Variants in FARP1 observed in about 807,000 individuals in gnomAD.
FARP1 encodes the protein FERM, ARH/RhoGEF and pleckstrin domain protein 1.
In FARP1, 52 loss-of-function variants were observed where a neutral mutation model predicts 128.8. The ratio of observed to expected loss-of-function variants is 0.40; its 90% CI spans 0.32 to 0.51. The LOEUF is 0.51. Among genes scored for constraint, FARP1 ranks in the 20% least tolerant of loss-of-function variants. The pLI is 0.45. For missense variants in FARP1, 1,333 were observed against 1,367.9 expected, an observed-to-expected ratio of 0.97 and a Z score of 0.40; for synonymous variants, 580 against 551.8, an observed-to-expected ratio of 1.05 and a Z score of -0.72.
chr13:98,396,001 CCTT>C, intron 13 of FARP1: 1 of 399,156 alleles, frequency 2.5e-6, no homozygotes, highest in Non-Finnish European at 4.4e-6. Context: ...CCAGGGTCCT[CCTT>C]ATGAACGCTG....
chr13:98,230,412 A>G (rs1176456819), intron 2 of FARP1, among the ~76,000 whole-genome samples: 6 of 152,206 alleles, frequency 3.9e-5, no homozygotes, highest in Non-Finnish European at 7.4e-5. Flanking sequence ...CCATCAGTCA[A>G]CCAAACAAAA....
chr13:98,435,638 A>G lies in FARP1; in HGVS notation c.2206A>G (p.Asn736Asp). The change falls in exon 19 of 27, where the codon AAT becomes GAT. Residue 736 changes from asparagine to aspartate, a missense_variant. By Grantham distance (23) the Asn-to-Asp change is conservative. Transcript: ENST00000319562. The part of the protein sequence containing the change: ...QLHGTMIKME[N>D]FQKLHELKKD... ...CCACGGTACGATGATCAAGATGGAG[A>G]ATTTCCAGAAGCTGCACGAACTCAA... 6.2e-7 allele frequency: 1 copy of G among 1,614,078 alleles called. No homozygotes were observed. The highest frequency in any genetic ancestry group is 8.5e-7 in the Non-Finnish European group (1 of 1,179,996).
At position 98,405,909 on chromosome 13, in the gene FARP1, C is replaced by G. The variant is rs924446553; in HGVS notation, c.1415-3429C>G. The G allele has an allele frequency of 7.2e-5, 11 of 152,234 alleles. 1 individual carries two copies. Among genetic ancestry groups the G allele is most frequent in the Admixed American group, 6.5e-4 (10 of 15,276 alleles). The allele number at this position is 152,234 out of a possible 1,614,324, so 9.4% of individuals were successfully genotyped here. On this transcript the variant is annotated intron_variant, in intron 13 of 26. Coordinates refer to ENST00000319562, the MANE Select transcript of FARP1 (RefSeq NM_005766.4). ...GTTGCCCGGGGCTGTGCCTTCAAAG[C>G]AGGTGACAGACTGCAAGGTGTAAAC...
chr13:98,430,957 G>C (rs1273547237), intron 17 of FARP1, 86 bp from the exon 18 acceptor site: 1 of 770,856 alleles, frequency 1.3e-6, no homozygotes, highest in East Asian at 2.5e-5. Context: ...GTGCAGGAGC[G>C]CTTCATTTCC....
At chr13:98,217,177 A>G (rs1881111781) in intron 2 of FARP1, among the ~76,000 whole-genome samples, 1 of 152,218 alleles carries the variant, frequency 6.6e-6, no homozygotes, top group Admixed American at 6.5e-5. Flanking sequence ...ATGTATTTTC[A>G]TTAGCAGTGT....
At chr13:98,227,164 G>A (rs1190075465) in intron 2 of FARP1, among the ~76,000 whole-genome samples, 1 of 152,058 alleles carries the variant, frequency 6.6e-6, no homozygotes, top group South Asian at 2.1e-4. Flanking sequence ...GGATGGTCTC[G>A]ATCTCCTGAC....
intron 1 of FARP1, among the ~76,000 whole-genome samples, chr13:98,169,205 A>G (rs1877484769): frequency 6.6e-6 from 1 of 152,042 alleles, no homozygotes; most frequent in Non-Finnish European, 1.5e-5. Context: ...CACCTTCTGT[A>G]GCACCCCCAT....
intron 8 of FARP1, among the ~76,000 whole-genome samples, chr13:98,386,208 T>TTTTTC (rs1555342699): frequency 0.013 from 1,857 of 146,078 alleles, 42 homozygotes; most frequent in African/African-American, 0.044. Flanking sequence ...TTTTTTTTTT[T>TTTTTC]CAAACACAGT....
At chr13:98,359,874 G>A (rs569321415) in intron 3 of FARP1, among the ~76,000 whole-genome samples, 1 of 152,322 alleles carries the variant, frequency 6.6e-6, no homozygotes, top group East Asian at 1.9e-4. Context: ...TCCAAACGGG[G>A]AAGGTAGCAT....
chr13:98,309,635 A>C (rs1248063236), intron 2 of FARP1, among the ~76,000 whole-genome samples: 1 of 152,212 alleles, frequency 6.6e-6, no homozygotes, highest in East Asian at 1.9e-4. Context: ...AAAATGCTTA[A>C]AAAAGAATAA....
intron 2 of FARP1, among the ~76,000 whole-genome samples, chr13:98,237,501 T>A (rs915750712): frequency 1.3e-5 from 2 of 152,236 alleles, no homozygotes; most frequent in African/African-American, 4.8e-5. Flanking sequence ...TGCAGTGAAC[T>A]CAAGTGTTTT....
chr13:98,350,110 A>C (rs1159291370), intron 3 of FARP1, among the ~76,000 whole-genome samples: 3 of 152,098 alleles, frequency 2.0e-5, no homozygotes, highest in Non-Finnish European at 4.4e-5. Flanking sequence ...GTGAGGTTGT[A>C]CAGCGGCTCG....
At chr13:98,327,405 G>A (rs1887281819) in intron 2 of FARP1, among the ~76,000 whole-genome samples, 1 of 152,140 alleles carries the variant, frequency 6.6e-6, no homozygotes, top group African/African-American at 2.4e-5. Context: ...CTACATAAAA[G>A]GGAATTATCA....
intron 25 of FARP1, 120 bp downstream of exon 25, chr13:98,446,325 C>T: frequency 1.5e-6 from 1 of 674,670 alleles, no homozygotes; most frequent in Non-Finnish European, 2.6e-6. Context: ...ACGGGGATGA[C>T]AGGGATGCTG....
intron 5 of FARP1, 121 bp downstream of exon 5, chr13:98,368,316 T>C: frequency 4.2e-6 from 3 of 721,136 alleles, no homozygotes; most frequent in South Asian, 1.8e-5. Flanking sequence ...ATCTGTTCTG[T>C]ACTGAACAGT....
chr13:98,326,025 A>G (rs1887219130), intron 2 of FARP1, among the ~76,000 whole-genome samples: 1 of 152,246 alleles, frequency 6.6e-6, no homozygotes, highest in Admixed American at 6.5e-5. Flanking sequence ...TGCTTCTGAA[A>G]TTTTTCTATT....
At chr13:98,272,287 C>T (rs1435900379) in intron 2 of FARP1, among the ~76,000 whole-genome samples, 1 of 152,154 alleles carries the variant, frequency 6.6e-6, no homozygotes. Context: ...ACCTCACCCT[C>T]CCAAAGTGCT....
At chr13:98,150,485 T>C (rs1875917887) in intron 1 of FARP1, among the ~76,000 whole-genome samples, 1 of 152,180 alleles carries the variant, frequency 6.6e-6, no homozygotes, top group South Asian at 2.1e-4. Context: ...AAGATCTACA[T>C]AGTATGAATA....
At chr13:98,218,945 G>T (rs547092346) in intron 2 of FARP1, among the ~76,000 whole-genome samples, 1 of 152,256 alleles carries the variant, frequency 6.6e-6, no homozygotes, top group Non-Finnish European at 1.5e-5. Flanking sequence ...CTTTTCTGGT[G>T]TCAGAATCGC....
Sources: gnomAD v4.1 joint callset for allele counts (sites outside exome capture counted in the v4.1 genomes callset) on GRCh38, gnomAD v4.1.1 for gene constraint, MANE v1.5 for transcripts, NCBI Gene and HGNC (gene_info 2026-07-23, HGNC 2026-07-21) for gene names.